ERP44: variants seen among roughly 807,000 people sequenced by gnomAD.
The protein encoded by ERP44 is endoplasmic reticulum protein 44.
ERP44 carries 25 observed loss-of-function variants against 53.4 expected under a neutral mutation model. The observed-to-expected ratio is 0.47, with a 90% CI of 0.34 to 0.65. The LOEUF (loss-of-function observed/expected upper bound fraction) is 0.65. ERP44 is among the 30% of genes least tolerant of loss of function. ERP44 has a pLI of 0.01. For missense variants in ERP44, 338 were observed against 493.2 expected (o/e 0.69, Z 2.98); for synonymous variants, 145 against 161.2 (o/e 0.90, Z 0.76).
rs773290883 is a variant in ERP44 at position 100,063,092 on chromosome 9, A to AAAAAAAAAAAAAAAG, written c.58-2921_58-2920insCTTTTTTTTTTTTTT. 4.1e-4 allele frequency among the ~76,000 whole-genome samples: 60 copies of AAAAAAAAAAAAAAAG among 145,272 alleles called. 1 individual carries two copies. Among genetic ancestry groups the AAAAAAAAAAAAAAAG allele is most frequent in the African/African-American group, 1.4e-3 (53 of 38,130 alleles). On this transcript the variant is annotated intron_variant, in intron 1 of 11. Coordinates refer to ENST00000262455, the MANE Select transcript of ERP44 (RefSeq NM_015051.3). ...CTGTCTCACAAAAAAAAAAAAAAAA[A>AAAAAAAAAAAAAAAG]AGAGAGAGAGAGAGGGAAATTGATT...
At chr9:100,061,610 A>C (rs1341637572) in intron 1 of ERP44, among the ~76,000 whole-genome samples, 1 of 147,546 alleles carries the variant, frequency 6.8e-6, no homozygotes, top group Admixed American at 6.8e-5. Context: ...ATATATATTT[A>C]TAGAAATATA....
intron 4 of ERP44, among the ~76,000 whole-genome samples, chr9:100,050,900 T>C (rs995026958): frequency 1.4e-4 from 21 of 152,256 alleles, no homozygotes; most frequent in African/African-American, 4.8e-4. Context: ...CTTTAGAGCA[T>C]AATTTCCAAT....
intron 10 of ERP44, among the ~76,000 whole-genome samples, chr9:99,994,506 G>A (rs1587956193): frequency 6.6e-6 from 1 of 152,282 alleles, no homozygotes; most frequent in Admixed American, 6.5e-5. Flanking sequence ...CTGGTGTGGG[G>A]TGAGGGGAGC....
At chr9:99,999,953 C>T (rs979020475) in intron 10 of ERP44, among the ~76,000 whole-genome samples, 1 of 152,150 alleles carries the variant, frequency 6.6e-6, no homozygotes, top group Non-Finnish European at 1.5e-5. Flanking sequence ...TCTCTTTTCT[C>T]TCTCTTTTTG....
chr9:99,999,836 T>C (rs1226642882), intron 10 of ERP44, among the ~76,000 whole-genome samples: 1 of 152,222 alleles, frequency 6.6e-6, no homozygotes, highest in Admixed American at 6.5e-5. Context: ...TTAATCTATT[T>C]TGAGATGATA....
intron 1 of ERP44, among the ~76,000 whole-genome samples, chr9:100,065,688 A>G (rs1014296786): frequency 6.6e-6 from 1 of 152,214 alleles, no homozygotes; most frequent in African/African-American, 2.4e-5. Context: ...GTTATATTAC[A>G]TTAGTGGATA....
chr9:99,999,299 G>A (rs1693323406), intron 10 of ERP44, among the ~76,000 whole-genome samples: 2 of 152,118 alleles, frequency 1.3e-5, no homozygotes, highest in South Asian at 4.1e-4. Flanking sequence ...TTTTTGATGA[G>A]ATTATTTGTT....
At chr9:100,066,553 C>T (rs1390490562) in intron 1 of ERP44, among the ~76,000 whole-genome samples, 1 of 152,134 alleles carries the variant, frequency 6.6e-6, no homozygotes, top group Non-Finnish European at 1.5e-5. Flanking sequence ...TCTCAGAGCC[C>T]TTTCTTTACA....
chr9:100,050,522 T>C (rs1383011309), intron 4 of ERP44, among the ~76,000 whole-genome samples: 1 of 152,176 alleles, frequency 6.6e-6, no homozygotes, highest in African/African-American at 2.4e-5. Flanking sequence ...GTCCAAAACC[T>C]CTACAATCTA....
intron 4 of ERP44, among the ~76,000 whole-genome samples, chr9:100,050,167 T>C (rs927226775): frequency 6.6e-6 from 1 of 152,002 alleles, no homozygotes; most frequent in Non-Finnish European, 1.5e-5. Context: ...AGGTGAGGTA[T>C]AGAAGGGACA....
chr9:100,041,974 A>T (rs778289737), intron 4 of ERP44, among the ~76,000 whole-genome samples: 1 of 152,170 alleles, frequency 6.6e-6, no homozygotes. Context: ...CATTGGGGAA[A>T]CTCTCCAGGA....
chr9:100,010,975 AG>A (rs1279095371), intron 8 of ERP44, among the ~76,000 whole-genome samples: 1 of 152,124 alleles, frequency 6.6e-6, no homozygotes. Context: ...TAGCAGAAAA[AG>A]TCTAATCCAC....
At chr9:100,070,450 C>T in intron 1 of ERP44, among the ~76,000 whole-genome samples, 1 of 152,188 alleles carries the variant, frequency 6.6e-6, no homozygotes, top group East Asian at 1.9e-4. Context: ...ATTATATATT[C>T]TCTAAAGAAG....
intron 10 of ERP44, among the ~76,000 whole-genome samples, chr9:99,990,777 G>A (rs1364011974): frequency 4.0e-5 from 6 of 151,096 alleles, no homozygotes; most frequent in South Asian, 2.1e-4. Context: ...CCCATCTCAC[G>A]TGCAGAGACA....
Position 99,980,032 on chromosome 9 carries a change from A to G in ERP44, c.*2580T>C. 2 of 398,534 alleles carry G rather than the reference A, an allele frequency of 5.0e-6. No individual in the cohort carries two copies. The highest frequency in any genetic ancestry group is 8.8e-5 in the Admixed American group (2 of 22,728). The allele number at this position is 398,534 out of a possible 1,614,324, so 24.7% of individuals were successfully genotyped here. A position where few individuals can be genotyped will look rare whatever the true frequency, so the allele number is the denominator to read the frequency against. Reference sequence around the variant, plus strand: ...AAAGAACTTTTTTCTCTAATGCATTAGGCTGTTTCATACCTTTGCTCAGAT... The same window carrying G: ...AAAGAACTTTTTTCTCTAATGCATTGGGCTGTTTCATACCTTTGCTCAGAT... On this transcript the variant is annotated 3_prime_UTR_variant, in exon 12 of 12. Transcript: ENST00000262455.
At chr9:100,014,100 A>T (rs1830504212) in intron 8 of ERP44, among the ~76,000 whole-genome samples, 1 of 152,176 alleles carries the variant, frequency 6.6e-6, no homozygotes, top group Non-Finnish European at 1.5e-5. Context: ...ATTGAAAATA[A>T]GTATGGTGAT....
At position 100,000,647 on chromosome 9, in the gene ERP44, TATTA is replaced by T. The variant is rs1830366649; in HGVS notation, c.1016+5855_1016+5858del. Among the ~76,000 whole-genome samples, 3 of 152,270 alleles carry T rather than the reference TATTA, an allele frequency of 2.0e-5. No individual in the cohort carries two copies. In the East Asian group the frequency reaches 5.8e-4, roughly 29 times the overall value. The stretch of plus-strand genomic sequence containing the variant: ...ATGTGCCTAGTATTTTCTTCTACAT[TATTA>T]ATTTGTTGACATAATTATTCATAGT... On this transcript the variant is annotated intron_variant, in intron 10 of 11. Coordinates refer to ENST00000262455, the MANE Select transcript of ERP44 (RefSeq NM_015051.3).
chr9:100,067,984 G>GGGGTCAGGC (rs941418212), intron 1 of ERP44, among the ~76,000 whole-genome samples: 7 of 151,604 alleles, frequency 4.6e-5, no homozygotes, highest in African/African-American at 1.7e-4. Context: ...GAGGGAGGTG[G>GGGGTCAGGC]GGGTCAGCCC....
chr9:100,018,153 C>G, intron 7 of ERP44, 103 bp downstream of exon 7: 2 of 800,954 alleles, frequency 2.5e-6, no homozygotes, highest in Non-Finnish European at 4.3e-6. Flanking sequence ...CCTTTCAATT[C>G]TAAAGTTCTA....
Sources: allele counts gnomAD v4.1 joint callset (sites outside exome capture counted in the v4.1 genomes callset), GRCh38; gene constraint gnomAD v4.1.1; transcripts MANE v1.5; gene names NCBI Gene and HGNC (gene_info 2026-07-23, HGNC 2026-07-21).